Variants in KAZN observed in about 807,000 individuals in gnomAD.
The protein encoded by KAZN is kazrin.
Under a neutral mutation model 87.4 loss-of-function variants are expected in KAZN, and 40 were observed. The observed-to-expected ratio is 0.46, with a 90% CI of 0.36 to 0.60. The LOEUF is 0.60. KAZN is among the 20% of genes least tolerant of loss of function. KAZN has a pLI of 0.00. For synonymous variants in KAZN, 466 were observed against 458.3 expected, an observed-to-expected ratio of 1.02 and a Z score of -0.22; for missense variants, 898 against 1,073.9, an observed-to-expected ratio of 0.84 and a Z score of 2.29.
intron 1 of KAZN, among the ~76,000 whole-genome samples, chr1:14,059,867 T>C (rs1642719243): frequency 6.6e-6 from 1 of 152,224 alleles, no homozygotes; most frequent in Admixed American, 6.5e-5. Context: ...TCTAAATCCC[T>C]TCATTGGGTC....
chr1:15,114,503 C>T lies in KAZN; in HGVS notation c.2196C>T (p.Ser732=). ...LPLGKIGRGF[S]SKDPDFHDDY... is the part of the protein sequence containing the mutation. ...TGGGGAAGATAGGAAGGGGCTTCAG[C>T]AGCAAAGATCCCGATTTCCATGATG... The change falls in exon 15 of 15, where the codon AGC becomes AGT. Residue 732 remains serine, a synonymous_variant. Transcript: ENST00000376030. 1 of 1,612,034 alleles carries T rather than the reference C, an allele frequency of 6.2e-7. No individual in the cohort carries two copies. The highest frequency in any genetic ancestry group is 1.7e-5 in the Admixed American group (1 of 59,804).
chr1:14,770,093 G>C (rs1403531812), intron 1 of KAZN, among the ~76,000 whole-genome samples: 1 of 152,178 alleles, frequency 6.6e-6, no homozygotes, highest in African/African-American at 2.4e-5. Flanking sequence ...TCATGGGAAA[G>C]AGTGGATGGG....
At chr1:14,079,915 C>A (rs1486441514) in intron 1 of KAZN, among the ~76,000 whole-genome samples, 1 of 150,702 alleles carries the variant, frequency 6.6e-6, no homozygotes, top group Non-Finnish European at 1.5e-5. Flanking sequence ...CACTGGGGAT[C>A]AAATTTCAAC....
At position 14,557,256 on chromosome 1, in the gene KAZN, C is replaced by T. The variant is rs532213480; in HGVS notation, c.250-41727C>T. ...ATTTAGAAATAGAAAATATGGGAGA[C>T]ATTTGCATTGACCAATGGCCAAACC... On this transcript the variant is annotated intron_variant, in intron 2 of 16. Coordinates refer to the KAZN transcript ENST00000636203. Among the ~76,000 whole-genome samples, 3 of 152,302 alleles carry T rather than the reference C, an allele frequency of 2.0e-5. No individual in the cohort carries two copies. In the East Asian group the frequency reaches 5.8e-4, roughly 29 times the overall value.
At chr1:14,005,081 C>T (rs1639979105) in intron 1 of KAZN, among the ~76,000 whole-genome samples, 1 of 152,050 alleles carries the variant, frequency 6.6e-6, no homozygotes, top group Non-Finnish European at 1.5e-5. Flanking sequence ...TTATAAATTA[C>T]CCAGTGTCAG....
At chr1:15,000,275 A>G (rs750107328) in intron 2 of KAZN, among the ~76,000 whole-genome samples, 5 of 151,698 alleles carry the variant, frequency 3.3e-5, no homozygotes, top group Non-Finnish European at 7.4e-5. Context: ...CAAGGAAACA[A>G]ATTCTCCCCT....
intron 1 of KAZN, among the ~76,000 whole-genome samples, chr1:14,831,271 C>T (rs1020303750): frequency 5.3e-5 from 8 of 152,214 alleles, no homozygotes; most frequent in African/African-American, 1.7e-4. Flanking sequence ...AGAAAACCCT[C>T]GGTTGTCCTC....
chr1:14,642,824 AC>A (rs1195906787), intron 1 of KAZN, among the ~76,000 whole-genome samples: 1 of 152,230 alleles, frequency 6.6e-6, no homozygotes, highest in Non-Finnish European at 1.5e-5. Flanking sequence ...CAGTTTAAAA[AC>A]AAAAATATAA....
At chr1:14,693,045 T>C (rs1423993864) in intron 1 of KAZN, among the ~76,000 whole-genome samples, 7 of 152,170 alleles carry the variant, frequency 4.6e-5, no homozygotes, top group Admixed American at 3.9e-4. Flanking sequence ...TGGAAATATG[T>C]CCCTGCTTCG....
At chr1:14,115,499 G>C (rs1570772474) in intron 1 of KAZN, among the ~76,000 whole-genome samples, 1 of 152,188 alleles carries the variant, frequency 6.6e-6, no homozygotes, top group East Asian at 1.9e-4. Context: ...TCTCTTTGCT[G>C]CTATGTGAGA....
At chr1:14,493,396 GA>G (rs1340999827) in intron 2 of KAZN, among the ~76,000 whole-genome samples, 1 of 152,288 alleles carries the variant, frequency 6.6e-6, no homozygotes, top group South Asian at 2.1e-4. Context: ...GAGAAAAGGA[GA>G]AGAGAGGAAG....
intron 2 of KAZN, among the ~76,000 whole-genome samples, chr1:14,449,510 A>G (rs1667152430): frequency 2.0e-5 from 3 of 152,350 alleles, no homozygotes; most frequent in South Asian, 2.1e-4. Flanking sequence ...CCTGGGCAGC[A>G]GGAATAGGAA....
chr1:14,941,704 G>A (rs1413835419), intron 1 of KAZN, among the ~76,000 whole-genome samples: 5 of 152,136 alleles, frequency 3.3e-5, no homozygotes, highest in Non-Finnish European at 7.4e-5. Context: ...CTGGGCACTG[G>A]AGTTATCCTG....
rs1334370551 is a variant in KAZN, at chr1:14,687,688, G to GT, written c.226+88466dup. On this transcript the variant is annotated intron_variant, in intron 1 of 14. Transcript: ENST00000376030. ...GTGACTCTGTGAGTCGTCACTAGCT[G>GT]TACCTGCACTTTACAGCATGAAATG... 2.6e-5 allele frequency among the ~76,000 whole-genome samples: 4 copies of GT among 152,228 alleles called. No individual in the cohort carries two copies. The East Asian group carries it at 7.7e-4, about 29-fold the overall frequency.
intron 2 of KAZN, among the ~76,000 whole-genome samples, chr1:14,246,301 C>T (rs1389209512): frequency 6.6e-6 from 1 of 151,570 alleles, no homozygotes; most frequent in Non-Finnish European, 1.5e-5. Flanking sequence ...GGCAAACCTG[C>T]ACATCCTGAG....
intron 1 of KAZN, among the ~76,000 whole-genome samples, chr1:14,007,774 G>A (rs1640099394): frequency 6.6e-6 from 1 of 152,168 alleles, no homozygotes. Flanking sequence ...TAAAACACGT[G>A]TTCTACTTGC....
intron 1 of KAZN, among the ~76,000 whole-genome samples, chr1:14,656,922 A>G (rs1355901509): frequency 1.3e-5 from 2 of 152,044 alleles, no homozygotes; most frequent in Non-Finnish European, 2.9e-5. Flanking sequence ...TGCTATTATC[A>G]CCATTTTACA....
chr1:14,721,772 C>T (rs1420300030), intron 1 of KAZN, among the ~76,000 whole-genome samples: 1 of 152,156 alleles, frequency 6.6e-6, no homozygotes, highest in Non-Finnish European at 1.5e-5. Flanking sequence ...AAATTGAAAT[C>T]CTAATTGTCA....
intron 2 of KAZN, among the ~76,000 whole-genome samples, chr1:14,419,881 T>G (rs914988052): frequency 1.3e-5 from 2 of 152,014 alleles, no homozygotes; most frequent in Non-Finnish European, 2.9e-5. Flanking sequence ...GCACAGACAG[T>G]GAGACCCCAA....
Sources: gnomAD v4.1 joint callset for allele counts (sites outside exome capture counted in the v4.1 genomes callset) on GRCh38, gnomAD v4.1.1 for gene constraint, MANE v1.5 for transcripts, NCBI Gene and HGNC (gene_info 2026-07-23, HGNC 2026-07-21) for gene names.